Variants in GNAS observed in about 807,000 individuals in gnomAD.
GNAS encodes GNAS complex locus, also known as protein ALEX.
In GNAS, 8 loss-of-function variants were observed where a neutral mutation model predicts 54.5. That is an observed-to-expected ratio of 0.15 (90% CI 0.09 to 0.26). The LOEUF (loss-of-function observed/expected upper bound fraction) is 0.26, where lower values mean the gene tolerates loss of function less well. GNAS is among the 10% of genes least tolerant of loss of function. GNAS has a pLI of 1.00. For synonymous variants in GNAS, 204 were observed against 191.4 expected (o/e 1.07, Z -0.54); for missense variants, 170 against 529.8 (o/e 0.32, Z 6.67).
At chr20:58,842,602 T>C (rs535362536) in intron 1 of GNAS, 1 of 398,242 alleles carries the variant, frequency 2.5e-6, no homozygotes, top group South Asian at 1.3e-4. Context: ...ACAGCAATGT[T>C]AGTCTCAGAA....
rs2087596923 is a variant in GNAS, at chr20:58,873,478, T to C, written c.44-22134T>C. 6.6e-6 allele frequency among the ~76,000 whole-genome samples: 1 copy of C among 152,246 alleles called. No individual in the cohort carries two copies. Among genetic ancestry groups the C allele is most frequent in the Non-Finnish European group, 1.5e-5 (1 of 68,040 alleles). On this transcript the variant is annotated intron_variant, in intron 1 of 12. Coordinates refer to the GNAS transcript ENST00000306090. This position sits in a 1 kb window ranked among gnomAD's most constrained non-coding sequence, Gnocchi z 4.3. ...CCAACTTGGCAAAAGCATGGAATCCTGCCCAGTCCTTGGTACACAGGGACT... is the reference window on the plus strand; with the variant it reads ...CCAACTTGGCAAAAGCATGGAATCCCGCCCAGTCCTTGGTACACAGGGACT...
chr20:58,899,855 G>T, intron 3 of GNAS: 1 of 705,640 alleles, frequency 1.4e-6, no homozygotes. Context: ...GCATCTCAAA[G>T]AAACAGCTTC....
chr20:58,854,768 C>T (rs1256423726), intron 1 of GNAS: 12 of 1,555,392 alleles, frequency 7.7e-6, no homozygotes, highest in Non-Finnish European at 1.0e-5. Context: ...CTGCCCCAGC[C>T]GCTTCTGCCA....
intron 1 of GNAS, among the ~76,000 whole-genome samples, chr20:58,846,510 C>T (rs1219815950): frequency 1.3e-5 from 2 of 152,212 alleles, no homozygotes; most frequent in African/African-American, 4.8e-5. Flanking sequence ...AATTGCTACA[C>T]TCAAAGAGAA....
At chr20:58,892,152 C>T (rs909262574) in intron 1 of GNAS, 66 of 960,866 alleles carry the variant, frequency 6.9e-5, no homozygotes, top group Middle Eastern at 5.3e-4. Flanking sequence ...TCTCGCTCTC[C>T]CCCTCTTTCT....
At chr20:58,889,819 C>T (rs1211714320), upstream of GNAS, among the ~76,000 whole-genome samples, 1 of 151,128 alleles carries the variant, frequency 6.6e-6, no homozygotes, top group Non-Finnish European at 1.5e-5. Context: ...AGCCCGAGGC[C>T]GGGGGCAAGC....
chr20:58,854,211 G>C (rs771759443), intron 1 of GNAS: 1 of 1,613,002 alleles, frequency 6.2e-7, no homozygotes, highest in Admixed American at 1.7e-5. Flanking sequence ...CAGCGCCCCC[G>C]CTGGGGTCGA....
chr20:58,896,950 C>CT (rs1349080673), intron 2 of GNAS, among the ~76,000 whole-genome samples: 2 of 152,128 alleles, frequency 1.3e-5, no homozygotes, highest in African/African-American at 2.4e-5. Flanking sequence ...CAAAGGTGAA[C>CT]TTTTTCACCT....
At position 58,882,418 on chromosome 20, in the gene GNAS, G is replaced by C. The variant is rs561639391; in HGVS notation, c.44-13194G>C. Among the ~76,000 whole-genome samples, 13 of 152,322 alleles carry C rather than the reference G, an allele frequency of 8.5e-5. No homozygotes were observed. The South Asian group carries it at 2.7e-3, about 32-fold the overall frequency. On this transcript the variant is annotated intron_variant, in intron 1 of 12. Transcript: ENST00000306090. ...CCTAAGGCTGACATTTTTGTTGAAG[G>C]CTGAGCACGCATGTCTTCCGTGCTT...
At chr20:58,842,287 T>C (rs191063552) in intron 1 of GNAS, 99 of 398,046 alleles carry the variant, frequency 2.5e-4, no homozygotes, top group South Asian at 1.8e-3. Context: ...ATTTTTTTTT[T>C]CCTGGTGTGC....
chr20:58,902,412 A>G (rs747405631), intron 3 of GNAS, among the ~76,000 whole-genome samples: 5 of 152,188 alleles, frequency 3.3e-5, no homozygotes, highest in African/African-American at 4.8e-5. Flanking sequence ...ACAAAAATTA[A>G]CATTCTGTTA....
intron 1 of GNAS, among the ~76,000 whole-genome samples, chr20:58,870,808 T>C (rs2087392207): frequency 6.6e-6 from 1 of 152,124 alleles, no homozygotes; most frequent in Non-Finnish European, 1.5e-5. Context: ...CACTTTCGCT[T>C]CCCACATGAC....
chr20:58,877,902 A>G (rs2145764796), intron 1 of GNAS, among the ~76,000 whole-genome samples: 1 of 152,332 alleles, frequency 6.6e-6, no homozygotes, highest in South Asian at 2.1e-4. Context: ...CTAGACTCTC[A>G]CAGCTGGAAA....
At chr20:58,840,523 C>G (rs148044699), upstream of GNAS, 17 of 1,613,626 alleles carry the variant, frequency 1.1e-5, no homozygotes, top group Middle Eastern at 1.6e-4. The surrounding 1 kb of genome is among the most constrained non-coding windows in gnomAD (Gnocchi z 6.0). Flanking sequence ...AGCCCGAGAC[C>G]GAGCCTGAAG....
rs1601056914 is a variant in GNAS at position 58,898,099 on chromosome 20, T to G, written c.213-842T>G. ...TTTCTAACTCAAAACTAACTCTGTT[T>G]CTTACATTTAGTGCCAGGAACAAAA... On this transcript the variant is annotated intron_variant, in intron 2 of 12. Coordinates refer to ENST00000371085, the MANE Select transcript of GNAS (RefSeq NM_000516.7). The G allele has an allele frequency of 2.6e-5, 4 of 152,274 alleles. No homozygotes were observed. The South Asian group carries it at 8.3e-4, about 31-fold the overall frequency. 9.4% of individuals were successfully genotyped at this position (152,274 alleles called of 1,614,324 possible). A position where few individuals can be genotyped will look rare whatever the true frequency, so the allele number is the denominator to read the frequency against.
At chr20:58,880,678 T>A (rs2088170915) in intron 1 of GNAS, among the ~76,000 whole-genome samples, 1 of 152,228 alleles carries the variant, frequency 6.6e-6, no homozygotes, top group Admixed American at 6.5e-5. Flanking sequence ...GTTTTCATGC[T>A]GCTAGTTGTG....
Position 58,853,263 on chromosome 20 carries a change from GT to G in GNAS, c.43+12379del. On this transcript the variant is annotated intron_variant, in intron 1 of 12. Transcript: ENST00000306090. This position sits in a 1 kb window ranked among gnomAD's most constrained non-coding sequence, Gnocchi z 4.4. ...ACTTATTTTGAGAGGCCGCCACCGT[GT>G]TATGGGCGTGCGCAACTGCCTCTAC... 6.5e-7 allele frequency: 1 copy of G among 1,543,584 alleles called. No homozygotes were observed. The highest frequency in any genetic ancestry group is 8.8e-7 in the Non-Finnish European group (1 of 1,141,704).
intron 2 of GNAS, chr20:58,898,674 C>T (rs898203524): frequency 5.2e-6 from 3 of 578,354 alleles, no homozygotes; most frequent in African/African-American, 1.9e-5. Flanking sequence ...TTATCCATCC[C>T]TCCTGTCTCC....
intron 1 of GNAS, among the ~76,000 whole-genome samples, chr20:58,874,270 A>G (rs1434724589): frequency 6.6e-6 from 1 of 152,214 alleles, no homozygotes; most frequent in Non-Finnish European, 1.5e-5. Context: ...GGGGCTGCAG[A>G]GGCCTGGCCC....
Sources: allele counts gnomAD v4.1 joint callset (sites outside exome capture counted in the v4.1 genomes callset), GRCh38; gene constraint gnomAD v4.1.1; non-coding constraint Gnocchi (gnomAD v3.1); transcripts MANE v1.5; gene names NCBI Gene and HGNC (gene_info 2026-07-23, HGNC 2026-07-21).